ATP1A4: variants seen among roughly 807,000 people sequenced by gnomAD.
ATP1A4 encodes the protein ATPase Na+/K+ transporting subunit alpha 4, also known as sodium/potassium-transporting ATPase subunit alpha-4.
Under a neutral mutation model 114.3 loss-of-function variants are expected in ATP1A4, and 90 were observed. That is an observed-to-expected ratio of 0.79 (90% confidence interval 0.66 to 0.94). The LOEUF (loss-of-function observed/expected upper bound fraction) is 0.94. Ranked by LOEUF, ATP1A4 falls within the 40% of genes least tolerant of loss-of-function variation. The probability of loss-of-function intolerance (pLI) is 0.00; values close to 1 mark genes in which losing one functional copy is unlikely to be tolerated. For missense variants in ATP1A4, 1,222 were observed against 1,313.6 expected (o/e 0.93, Z 1.08); for synonymous variants, 511 against 494.1 (o/e 1.03, Z -0.45).
At chr1:160,153,839 T>C (rs901836491) in intron 2 of ATP1A4, among the ~76,000 whole-genome samples, 1 of 151,822 alleles carries the variant, frequency 6.6e-6, no homozygotes, top group African/African-American at 2.4e-5. Flanking sequence ...AAAATGAGAG[T>C]AAAAAAAGGC....
chr1:160,159,723 G>A (rs1482813648), intron 6 of ATP1A4, among the ~76,000 whole-genome samples, 197 bp downstream of exon 6: 1 of 152,178 alleles, frequency 6.6e-6, no homozygotes, highest in Non-Finnish European at 1.5e-5. Context: ...AGTAAAAGTC[G>A]TTACTCTGTA....
rs926802522 is a variant in ATP1A4 at position 160,158,871 on chromosome 1, G to C, written c.526-131G>C. The C allele has an allele frequency of 1.3e-5, 13 of 1,002,584 alleles. No homozygotes were observed. In the Admixed American group the frequency reaches 3.4e-4, roughly 26 times the overall value. The allele number at this position is 1,002,584 out of a possible 1,614,324, so 62.1% of individuals were successfully genotyped here. On this transcript the variant is annotated intron_variant, in intron 4 of 21. Coordinates refer to ENST00000368081, the MANE Select transcript of ATP1A4 (RefSeq NM_144699.4). Reference sequence around the variant, plus strand: ...TGCAATCTGCCAAAGACACCTTCAAGAATGATGTGGTGGGTGACAGTAAGA... The same window carrying C: ...TGCAATCTGCCAAAGACACCTTCAACAATGATGTGGTGGGTGACAGTAAGA...
rs1045013169 is a variant in ATP1A4 at position 160,173,974 on chromosome 1, G to A, written c.1992-137G>A. 1.4e-5 allele frequency: 16 copies of A among 1,152,644 alleles called. No individual in the cohort carries two copies. In the South Asian group the frequency reaches 2.3e-4, roughly 16 times the overall value. 71.4% of individuals were successfully genotyped at this position (1,152,644 alleles called of 1,614,324 possible). On this transcript the variant is annotated intron_variant, in intron 13 of 21. Transcript: ENST00000368081. ...GAGGGAATAGGATGTGTCAATTTGG[G>A]GACAATATAGGGCTAGGGACAAGTG...
chr1:160,174,707 G>C lies in ATP1A4; in HGVS notation c.2271G>C (p.Leu757=), dbSNP rs1320437394. The change falls in exon 15 of 22, where the codon CTG becomes CTC. Residue 757 remains leucine (L), a synonymous_variant. Coordinates refer to ENST00000368081, the MANE Select transcript of ATP1A4 (RefSeq NM_144699.4). ...VSKQAADMIL[L]DDNFASIVTG... is the part of the protein sequence containing the mutation. Reference sequence around the variant, plus strand: ...AGCAGGCAGCCGACATGATCCTGCTGGATGACAACTTTGCCTCCATCGTCA... The same window carrying C: ...AGCAGGCAGCCGACATGATCCTGCTCGATGACAACTTTGCCTCCATCGTCA... 3.7e-6 allele frequency: 6 copies of C among 1,614,162 alleles called. No homozygotes were observed. Among genetic ancestry groups the C allele is most frequent in the Non-Finnish European group, 5.1e-6 (6 of 1,180,034 alleles).
chr1:160,176,696 T>C, intron 17 of ATP1A4, 94 bp downstream of exon 17: 2 of 1,534,580 alleles, frequency 1.3e-6, no homozygotes, highest in Non-Finnish European at 1.8e-6. Context: ...AGGGAGATAT[T>C]TTCTCAGCAA....
chr1:160,183,626 T>TTG (rs1051829929), intron 20 of ATP1A4, among the ~76,000 whole-genome samples: 8 of 152,140 alleles, frequency 5.3e-5, no homozygotes, highest in Non-Finnish European at 7.3e-5. Flanking sequence ...ATGTTTATAT[T>TTG]TGTGTGTGTG....
At chr1:160,163,837 C>T (rs1652940290) in intron 6 of ATP1A4, among the ~76,000 whole-genome samples, 1 of 152,146 alleles carries the variant, frequency 6.6e-6, no homozygotes, top group Non-Finnish European at 1.5e-5. Context: ...GCCCTGGCCA[C>T]CAGCCCCATC....
chr1:160,178,358 A>T (rs1158451527), intron 18 of ATP1A4, among the ~76,000 whole-genome samples: 3 of 149,196 alleles, frequency 2.0e-5, no homozygotes, highest in Non-Finnish European at 4.4e-5. Context: ...TCTGTCTCAA[A>T]AAATAAATAA....
chr1:160,175,285 TC>T (rs1372273444), intron 15 of ATP1A4, among the ~76,000 whole-genome samples: 1 of 152,200 alleles, frequency 6.6e-6, no homozygotes, highest in Admixed American at 6.5e-5. Context: ...CATTCCAGGT[TC>T]CCTGCTTTCT....
chr1:160,182,091 AG>A, intron 20 of ATP1A4, 60 bp downstream of exon 20: 1 of 1,397,600 alleles, frequency 7.2e-7, no homozygotes, highest in Non-Finnish European at 1.0e-6. Context: ...ATACAGAGGA[AG>A]GGTGTGTTTC....
intron 7 of ATP1A4, among the ~76,000 whole-genome samples, chr1:160,165,547 C>T (rs1652996048): frequency 6.6e-6 from 1 of 151,984 alleles, no homozygotes; most frequent in Admixed American, 6.6e-5. Flanking sequence ...ATCACGAGGT[C>T]AGGAGATCGA....
intron 2 of ATP1A4, 102 bp from the exon 3 acceptor site, chr1:160,154,943 G>A: frequency 9.2e-7 from 1 of 1,083,170 alleles, no homozygotes; most frequent in Non-Finnish European, 1.4e-6. Context: ...AGCGTCTTTA[G>A]TCTCTAGACC....
intron 18 of ATP1A4, among the ~76,000 whole-genome samples, chr1:160,180,864 G>A (rs1407992243): frequency 6.6e-6 from 1 of 151,830 alleles, no homozygotes; most frequent in Non-Finnish European, 1.5e-5. Context: ...ACAGGCACCC[G>A]CCACCACGCC....
At chr1:160,177,702 A>G in intron 18 of ATP1A4, 38 bp downstream of exon 18, 2 of 1,609,794 alleles carry the variant, frequency 1.2e-6, no homozygotes, top group Non-Finnish European at 1.7e-6. Context: ...GAGACCAGTA[A>G]GAGTGAGAGT....
At chr1:160,162,353 G>A (rs182130529) in intron 6 of ATP1A4, among the ~76,000 whole-genome samples, 2 of 152,282 alleles carry the variant, frequency 1.3e-5, no homozygotes, top group East Asian at 3.9e-4. Flanking sequence ...TCATGTGTGT[G>A]TAAAGCCAAA....
Position 160,176,078 on chromosome 1 carries a change from A to G in ATP1A4, c.2312-14A>G, listed in dbSNP as rs1183869226. The G allele has an allele frequency of 6.2e-7, 1 of 1,613,714 alleles. No homozygotes were observed. The highest frequency in any genetic ancestry group is 2.2e-5 in the East Asian group (1 of 44,884). On this transcript the variant is annotated splice_polypyrimidine_tract_variant and intron_variant, in intron 15 of 21. Coordinates refer to ENST00000368081, the MANE Select transcript of ATP1A4 (RefSeq NM_144699.4). ...TCCCAGGGCTTCTCACAGGAGGTTG[A>G]CCTTCCTCCCCAGGCCGCCTGATCT... is the stretch of plus-strand genomic sequence containing the variant.
intron 6 of ATP1A4, among the ~76,000 whole-genome samples, chr1:160,159,887 G>A (rs1652810449): frequency 6.6e-6 from 1 of 152,206 alleles, no homozygotes; most frequent in Non-Finnish European, 1.5e-5. Context: ...AAATTGTTCA[G>A]CCCTGCTAAG....
At chr1:160,165,948 C>T (rs1653013289) in intron 7 of ATP1A4, among the ~76,000 whole-genome samples, 1 of 151,890 alleles carries the variant, frequency 6.6e-6, no homozygotes, top group Non-Finnish European at 1.5e-5. Context: ...AAAGAGGATC[C>T]CTGTCTATGA....
intron 4 of ATP1A4, among the ~76,000 whole-genome samples, chr1:160,157,252 A>G (rs1203221642): frequency 1.3e-5 from 2 of 152,172 alleles, no homozygotes; most frequent in Non-Finnish European, 1.5e-5. Context: ...ACTGTGTGTC[A>G]CAGGGATTTG....
Sources: gnomAD v4.1 joint callset for allele counts (sites outside exome capture counted in the v4.1 genomes callset) on GRCh38, gnomAD v4.1.1 for gene constraint, MANE v1.5 for transcripts, NCBI Gene and HGNC (gene_info 2026-07-23, HGNC 2026-07-21) for gene names.